WNT3: variants seen among roughly 807,000 people sequenced by gnomAD.
The protein encoded by WNT3 is Wnt family member 3.
In WNT3, 7 loss-of-function variants were observed where a neutral mutation model predicts 34.2. The observed-to-expected ratio is 0.20, with a 90% CI of 0.12 to 0.38. WNT3 has a LOEUF of 0.38. Ranked by LOEUF, WNT3 falls within the 10% of genes least tolerant of loss-of-function variation. The pLI is 1.00. For synonymous variants in WNT3, 212 were observed against 211.5 expected (o/e 1.00, Z -0.02); for missense variants, 267 against 499.8 (o/e 0.53, Z 4.44).
At chr17:46,818,398 C>T in intron 1 of WNT3, 120 bp downstream of exon 1, 1 of 918,392 alleles carries the variant, frequency 1.1e-6, no homozygotes, top group Non-Finnish European at 1.6e-6. Context: ...GGGTGGGGGG[C>T]TGGAGGGAGG....
intron 3 of WNT3, 39 bp downstream of exon 3, chr17:46,769,743 GC>G (rs751810228): frequency 6.2e-7 from 1 of 1,602,896 alleles, no homozygotes; most frequent in Admixed American, 1.7e-5. Context: ...GAAGCGGGGG[GC>G]TGCTCCCTGA....
intron 2 of WNT3, among the ~76,000 whole-genome samples, chr17:46,773,156 C>T (rs1446504992): frequency 1.3e-5 from 2 of 152,150 alleles, no homozygotes; most frequent in Non-Finnish European, 2.9e-5. Flanking sequence ...CCAGTGCACC[C>T]TCTAGCCCCA....
intron 1 of WNT3, among the ~76,000 whole-genome samples, chr17:46,784,572 G>T (rs1162644306): frequency 6.6e-6 from 1 of 152,172 alleles, no homozygotes; most frequent in Non-Finnish European, 1.5e-5. Context: ...CAGCTTCAGG[G>T]CCTGAACCTC....
chr17:46,783,892 C>T (rs2059481713), intron 1 of WNT3, among the ~76,000 whole-genome samples: 1 of 152,226 alleles, frequency 6.6e-6, no homozygotes. Flanking sequence ...CAAACTAGCA[C>T]CTTCCTTAGC....
At chr17:46,769,167 A>C (rs551147768) in intron 3 of WNT3, among the ~76,000 whole-genome samples, 1 of 152,178 alleles carries the variant, frequency 6.6e-6, no homozygotes, top group South Asian at 2.1e-4. Context: ...AAATACAAAA[A>C]TTAGCTGGTG....
chr17:46,768,590 GA>G lies in WNT3; in HGVS notation c.797del (p.Phe266SerfsTer116). The G allele has an allele frequency of 6.2e-7, 1 of 1,614,176 alleles. No homozygotes were observed. Among genetic ancestry groups the G allele is most frequent in the South Asian group, 1.1e-5 (1 of 91,086 alleles). The stretch of plus-strand genomic sequence containing the variant: ...CCAGGTCCCTCTCCGTGGGTGGCTT[GA>G]AGAGCGAGTACTTGGCCCGGAGGGT... ...VETLRAKYSL[F>X]KPPTERDLVY... On this transcript the variant is annotated frameshift_variant, in exon 4 of 5. Coordinates refer to ENST00000225512, the MANE Select transcript of WNT3 (RefSeq NM_030753.5). LOFTEE classifies it high-confidence loss of function. The surrounding 1 kb of genome is among the most constrained non-coding windows in gnomAD (Gnocchi z 5.0).
chr17:46,768,227 G>C lies in WNT3; in HGVS notation c.*8+85C>G. On this transcript the variant is annotated intron_variant, in intron 4 of 4. Transcript: ENST00000225512. The surrounding 1 kb of genome is among the most constrained non-coding windows in gnomAD (Gnocchi z 5.0). ...TCTTGGATAGCTTAGAAACAGAAGG[G>C]GGTCGTCAAGAAGACGAGATGGGCA... 1.3e-6 allele frequency: 2 copies of C among 1,570,862 alleles called. No homozygotes were observed. Among genetic ancestry groups the C allele is most frequent in the South Asian group, 1.1e-5 (1 of 88,744 alleles).
chr17:46,788,731 G>T (rs1391342578), intron 1 of WNT3, among the ~76,000 whole-genome samples: 1 of 151,732 alleles, frequency 6.6e-6, no homozygotes. Flanking sequence ...AGCAGGTGCA[G>T]TGGCCCTGCG....
At position 46,812,519 on chromosome 17, in the gene WNT3, G is replaced by C. The variant is rs561176515; in HGVS notation, c.80+5999C>G. Reference sequence around the variant, plus strand: ...AGCCTGCCTCCCCCACCCCTTCTGTGCCCAGCCCCCTGGCTCTAGGTCCCA... The same window carrying C: ...AGCCTGCCTCCCCCACCCCTTCTGTCCCCAGCCCCCTGGCTCTAGGTCCCA... On this transcript the variant is annotated intron_variant, in intron 1 of 4. Coordinates refer to ENST00000225512, the MANE Select transcript of WNT3 (RefSeq NM_030753.5). Among the ~76,000 whole-genome samples, 4 of 152,274 alleles carry C rather than the reference G, an allele frequency of 2.6e-5. No homozygotes were observed. In the East Asian group the frequency reaches 7.7e-4, roughly 29 times the overall value.
intron 1 of WNT3, among the ~76,000 whole-genome samples, chr17:46,799,446 CT>C (rs11319114): frequency 0.59 from 72,016 of 121,182 alleles, 20,675 homozygotes; most frequent in South Asian, 0.66. Context: ...ATTATTTCTA[CT>C]TTTTTTTTTT....
intron 2 of WNT3, among the ~76,000 whole-genome samples, chr17:46,772,838 C>T (rs1352847231): frequency 6.0e-5 from 9 of 151,120 alleles, no homozygotes; most frequent in African/African-American, 2.2e-4. Context: ...GTATAGGCAG[C>T]TCTCATTCAT....
At chr17:46,788,247 G>A (rs2083931843) in intron 1 of WNT3, among the ~76,000 whole-genome samples, 2 of 152,268 alleles carry the variant, frequency 1.3e-5, no homozygotes, top group Non-Finnish European at 2.9e-5. Flanking sequence ...TTTTTCCTAA[G>A]CCATGTTTGC....
intron 1 of WNT3, among the ~76,000 whole-genome samples, chr17:46,784,348 C>T (rs1000335817): frequency 1.3e-5 from 2 of 152,208 alleles, no homozygotes; most frequent in South Asian, 2.1e-4. Context: ...CCAGGCACCA[C>T]GTAGAGACAG....
chr17:46,766,334 G>C (rs982886759), intron 4 of WNT3, among the ~76,000 whole-genome samples: 1 of 152,030 alleles, frequency 6.6e-6, no homozygotes, highest in African/African-American at 2.4e-5. Flanking sequence ...CTTGAACCCA[G>C]GTGGCGGAGG....
intron 1 of WNT3, among the ~76,000 whole-genome samples, chr17:46,809,531 G>C (rs1008724803): frequency 3.3e-5 from 5 of 152,198 alleles, no homozygotes; most frequent in African/African-American, 4.8e-5. Context: ...GGAGGGAATG[G>C]CTTGTGCCTG....
intron 1 of WNT3, among the ~76,000 whole-genome samples, chr17:46,812,337 C>T (rs3916033): frequency 0.57 from 85,953 of 151,400 alleles, 24,615 homozygotes; most frequent in Middle Eastern, 0.65. Flanking sequence ...CACCCCCCTA[C>T]CCCCGCCCCA....
chr17:46,784,315 A>T (rs2146407074), intron 1 of WNT3, among the ~76,000 whole-genome samples: 1 of 152,248 alleles, frequency 6.6e-6, no homozygotes, highest in Admixed American at 6.5e-5. Context: ...AAGACGAGGA[A>T]GTGCGTGGGG....
At position 46,781,380 on chromosome 17, in the gene WNT3, G is replaced by A. The variant is rs116993697; in HGVS notation, c.81-7471C>T. 8.0e-3 allele frequency among the ~76,000 whole-genome samples: 1,209 copies of A among 150,486 alleles called. 4 individuals are homozygous for A. The highest frequency in any genetic ancestry group is 0.012 in the Non-Finnish European group (812 of 67,876). On this transcript the variant is annotated intron_variant, in intron 1 of 4. Coordinates refer to ENST00000225512, the MANE Select transcript of WNT3 (RefSeq NM_030753.5). ...TACATGAGGTTCTAGGTAAAGACACGCCAGCTTAGGCAACAGAGTAAGACT... is the reference window on the plus strand; with the variant it reads ...TACATGAGGTTCTAGGTAAAGACACACCAGCTTAGGCAACAGAGTAAGACT...
intron 1 of WNT3, among the ~76,000 whole-genome samples, chr17:46,787,668 C>A (rs1484347583): frequency 1.3e-5 from 2 of 152,146 alleles, no homozygotes. Context: ...TGAGATGTAG[C>A]CTCGGCCGGG....
Sources: gnomAD v4.1 joint callset for allele counts (sites outside exome capture counted in the v4.1 genomes callset) on GRCh38, gnomAD v4.1.1 for gene constraint, Gnocchi (gnomAD v3.1) non-coding constraint, MANE v1.5 for transcripts, NCBI Gene and HGNC (gene_info 2026-07-23, HGNC 2026-07-21) for gene names.